MALT1: variants seen among roughly 807,000 people sequenced by gnomAD.
The protein encoded by MALT1 is MALT1 paracaspase.
In MALT1, 36 loss-of-function variants were observed where a neutral mutation model predicts 85.5. The observed-to-expected ratio is 0.42, with a 90% CI of 0.32 to 0.56. The LOEUF is 0.56. Ranked by LOEUF, MALT1 falls within the 20% of genes least tolerant of loss-of-function variation. The pLI, the probability that MALT1 is intolerant of heterozygous loss-of-function variation, is 0.10. For synonymous variants in MALT1, 359 were observed against 361.3 expected (o/e 0.99, Z 0.07); for missense variants, 716 against 981.6 (o/e 0.73, Z 3.62).
Position 58,747,824 on chromosome 18 carries a change from C to T in MALT1, c.2457C>T (p.Leu819=). 5 of 1,611,904 alleles carry T rather than the reference C, an allele frequency of 3.1e-6. No individual in the cohort carries two copies. Among genetic ancestry groups the T allele is most frequent in the Non-Finnish European group, 4.2e-6 (5 of 1,178,436 alleles). Residue 819 remains leucine, a synonymous_variant, in exon 17 of 17, where the codon CTC becomes CTT. Transcript: ENST00000649217. ...DEIPFSFSDR[L]RISEK is the part of the protein sequence containing the mutation. ...TACCATTTAGTTTCTCTGACAGGCT[C>T]AGAATTTCTGAAAAATGACCTCCTT... is the stretch of plus-strand genomic sequence containing the variant.
intron 9 of MALT1, among the ~76,000 whole-genome samples, chr18:58,722,610 T>C (rs913242185): frequency 6.6e-6 from 1 of 152,240 alleles, no homozygotes; most frequent in African/African-American, 2.4e-5. Flanking sequence ...GTCCCTTTTT[T>C]AGTTATCTTG....
chr18:58,752,274 A>G lies in MALT1; in HGVS notation c.*4432A>G, dbSNP rs546555601. 3.9e-5 allele frequency: 6 copies of G among 152,310 alleles called. No individual in the cohort carries two copies. The highest frequency in any genetic ancestry group is 1.4e-4 in the African/African-American group (6 of 41,562). 9.4% of individuals were successfully genotyped at this position (152,310 alleles called of 1,614,324 possible). A position where few individuals can be genotyped will look rare whatever the true frequency, so the allele number is the denominator to read the frequency against. On this transcript the variant is annotated 3_prime_UTR_variant, in exon 17 of 17. Transcript: ENST00000649217. ...TCAGCAGCATCAGTTTAATATCTAG[A>G]TAAAATCTGATGTATGTAATTTTAC...
intron 10 of MALT1, among the ~76,000 whole-genome samples, chr18:58,727,628 G>GTTTTTTTTTTTTTTT (rs74183292): frequency 1.5e-5 from 2 of 130,640 alleles, no homozygotes; most frequent in African/African-American, 3.0e-5. Flanking sequence ...TTTTTTTTTT[G>GTTTTTTTTTTTTTTT]TTTTTTTTTT....
At chr18:58,724,024 G>A (rs1443029747) in intron 10 of MALT1, among the ~76,000 whole-genome samples, 1 of 152,192 alleles carries the variant, frequency 6.6e-6, no homozygotes, top group Non-Finnish European at 1.5e-5. Context: ...AATAACATCA[G>A]ATTGCCAGGG....
intron 2 of MALT1, among the ~76,000 whole-genome samples, chr18:58,685,974 A>G (rs2054395761): frequency 6.6e-6 from 1 of 152,072 alleles, no homozygotes; most frequent in Non-Finnish European, 1.5e-5. Context: ...CAATATTGAC[A>G]TCTGTATAGA....
At chr18:58,734,041 T>G (rs1453140791) in intron 11 of MALT1, 4 of 1,274,266 alleles carry the variant, frequency 3.1e-6, no homozygotes, top group Non-Finnish European at 4.0e-6. Flanking sequence ...ACTGTTCCTC[T>G]AGATTTACTA....
At chr18:58,731,846 C>T (rs916031826) in intron 10 of MALT1, among the ~76,000 whole-genome samples, 1 of 152,106 alleles carries the variant, frequency 6.6e-6, no homozygotes, top group Non-Finnish European at 1.5e-5. Flanking sequence ...GAACTTTGTC[C>T]TTCTTTTTTG....
chr18:58,717,127 C>T (rs181518493), intron 9 of MALT1, among the ~76,000 whole-genome samples: 1 of 152,090 alleles, frequency 6.6e-6, no homozygotes, highest in African/African-American at 2.4e-5. Flanking sequence ...TTTGTGAGGC[C>T]GAGGCAGGCA....
intron 3 of MALT1, among the ~76,000 whole-genome samples, chr18:58,700,224 ACT>A (rs772428472): frequency 3.3e-5 from 5 of 152,106 alleles, no homozygotes; most frequent in East Asian, 1.9e-4. Context: ...GGCCAGCTTA[ACT>A]CTCTGGTTTA....
At chr18:58,690,880 T>C in intron 2 of MALT1, 1 of 223,632 alleles carries the variant, frequency 4.5e-6, no homozygotes, top group Non-Finnish European at 9.4e-6. Context: ...ATTTGATCTC[T>C]CATGCCTGTC....
chr18:58,690,366 A>G (rs142194386), intron 2 of MALT1: 65 of 153,050 alleles, frequency 4.2e-4, no homozygotes, highest in African/African-American at 1.5e-3. Flanking sequence ...GCAGATCAGT[A>G]TGGTGCCGCT....
chr18:58,676,468 T>C (rs974523169), intron 1 of MALT1, among the ~76,000 whole-genome samples: 1 of 152,208 alleles, frequency 6.6e-6, no homozygotes, highest in African/African-American at 2.4e-5. Flanking sequence ...CATCCCTCTC[T>C]ACTCTGGTCA....
intron 9 of MALT1, among the ~76,000 whole-genome samples, chr18:58,718,529 T>C (rs775769158): frequency 4.3e-4 from 65 of 152,166 alleles, no homozygotes; most frequent in Non-Finnish European, 6.3e-4. Flanking sequence ...AGAATCTAAC[T>C]AATGCCTGAT....
chr18:58,741,297 T>C (rs1207841394), intron 13 of MALT1: 1 of 152,170 alleles, frequency 6.6e-6, no homozygotes, highest in Non-Finnish European at 1.5e-5. Flanking sequence ...CTCATTTTCT[T>C]ATCTTTTTTA....
At chr18:58,696,527 G>T in intron 3 of MALT1, 40 bp downstream of exon 3, 1 of 1,411,454 alleles carries the variant, frequency 7.1e-7, no homozygotes, top group South Asian at 1.4e-5. Context: ...TCCAAGGAGA[G>T]AGAATGATAG....
At chr18:58,720,315 C>T (rs1002300103) in intron 9 of MALT1, among the ~76,000 whole-genome samples, 3 of 152,106 alleles carry the variant, frequency 2.0e-5, no homozygotes, top group Non-Finnish European at 2.9e-5. Flanking sequence ...TTTTATTGTT[C>T]GTTTCTCTGT....
In MALT1 at chr18:58,715,973, T is replaced by C. The variant is rs1422799994; in HGVS notation, c.1018+6T>C. The C allele has an allele frequency of 6.3e-7, 1 of 1,596,296 alleles. No individual in the cohort carries two copies. The highest frequency in any genetic ancestry group is 8.5e-7 in the Non-Finnish European group (1 of 1,170,732). ...AACAACTGACCAGCCTTTGGGTGAG[T>C]AGAACTTTAAAATGCATTATCAAAG... is the stretch of plus-strand genomic sequence containing the variant. On this transcript the variant is annotated splice_donor_region_variant and intron_variant, in intron 9 of 16. Coordinates refer to ENST00000649217, the MANE Select transcript of MALT1 (RefSeq NM_006785.4).
chr18:58,727,083 G>A (rs1357843263), intron 10 of MALT1, among the ~76,000 whole-genome samples: 1 of 152,150 alleles, frequency 6.6e-6, no homozygotes, highest in African/African-American at 2.4e-5. Flanking sequence ...CCCTGTGCCT[G>A]GCACACTAAA....
intron 4 of MALT1, among the ~76,000 whole-genome samples, chr18:58,702,036 G>A (rs771799522): frequency 1.3e-5 from 2 of 152,006 alleles, no homozygotes; most frequent in Non-Finnish European, 2.9e-5. Context: ...AATCTCTGAA[G>A]GATTCTTGAT....
Sources: allele counts gnomAD v4.1 joint callset (sites outside exome capture counted in the v4.1 genomes callset), GRCh38; gene constraint gnomAD v4.1.1; transcripts MANE v1.5; gene names NCBI Gene and HGNC (gene_info 2026-07-23, HGNC 2026-07-21).